AP2A1: variants seen among roughly 807,000 people sequenced by gnomAD.
The protein encoded by AP2A1 is AP-2 complex subunit alpha-1.
In AP2A1, 21 loss-of-function variants were observed where a neutral mutation model predicts 107.3. That is an observed-to-expected ratio of 0.20 (90% CI 0.14 to 0.28). The LOEUF (loss-of-function observed/expected upper bound fraction) is 0.28, where lower values mean the gene tolerates loss of function less well. Ranked by LOEUF, AP2A1 falls within the 10% of genes least tolerant of loss-of-function variation. AP2A1 has a pLI of 1.00. For missense variants in AP2A1, 873 were observed against 1,307.7 expected (o/e 0.67, Z 5.13); for synonymous variants, 602 against 564.8 (o/e 1.07, Z -0.93).
rs2073096273 is a variant in AP2A1 at position 49,788,092 on chromosome 19, A to C, written c.474-3843A>C. ...CACTCCAGCAGCCGGGACTACAGGC[A>C]CAAGCCACCAGGCCTGGCTAATATT... On this transcript the variant is annotated intron_variant, in intron 4 of 22. Coordinates refer to ENST00000354293, the MANE Select transcript of AP2A1 (RefSeq NM_130787.3). The surrounding 1 kb of genome is among the most constrained non-coding windows in gnomAD (Gnocchi z 4.5). 6.6e-6 allele frequency among the ~76,000 whole-genome samples: 1 copy of C among 152,184 alleles called. No individual in the cohort carries two copies.
chr19:49,782,512 A>G lies in AP2A1; in HGVS notation c.280-19A>G, dbSNP rs755588022. ...TCAGTCACAAGGCTCCTAGCCATCC[A>G]CGACCTCCCTCCCCACAGGGTTACC... On this transcript the variant is annotated intron_variant, in intron 3 of 22. Transcript: ENST00000354293. 3 of 1,609,306 alleles carry G rather than the reference A, an allele frequency of 1.9e-6. No homozygotes were observed. Among genetic ancestry groups the G allele is most frequent in the Non-Finnish European group, 2.5e-6 (3 of 1,177,296 alleles).
chr19:49,800,248 C>T, intron 11 of AP2A1, 98 bp downstream of exon 11: 1 of 1,384,110 alleles, frequency 7.2e-7, no homozygotes, highest in Non-Finnish European at 9.8e-7. Context: ...CGCAGCCACC[C>T]TCCTTCTCCT....
Position 49,805,784 on chromosome 19 carries a change from G to A in AP2A1, c.2585+7G>A. 1 of 1,605,984 alleles carries A rather than the reference G, an allele frequency of 6.2e-7. No individual in the cohort carries two copies. Among genetic ancestry groups the A allele is most frequent in the Non-Finnish European group, 8.5e-7 (1 of 1,176,612 alleles). ...GCTGGAAGCAGCTGAGCCTGTGAGG[G>A]GTGGGGAGGGGGCGGAGCCAAAGCC... On this transcript the variant is annotated splice_region_variant and intron_variant, in intron 20 of 22. Transcript: ENST00000354293.
chr19:49,773,280 C>T (rs2084584046), intron 1 of AP2A1, among the ~76,000 whole-genome samples: 1 of 152,214 alleles, frequency 6.6e-6, no homozygotes, highest in Admixed American at 6.5e-5. Context: ...TAGGCAGAGT[C>T]TGGCTGGAGT....
Position 49,782,221 on chromosome 19 carries a change from G to A in AP2A1, c.279+132G>A, listed in dbSNP as rs1166118763. 16 of 797,304 alleles carry A rather than the reference G, an allele frequency of 2.0e-5. No homozygotes were observed. The African/African-American group carries it at 2.1e-4, about 11-fold the overall frequency. 49.4% of individuals were successfully genotyped at this position (797,304 alleles called of 1,614,324 possible). On this transcript the variant is annotated intron_variant, in intron 3 of 22. Coordinates refer to ENST00000354293, the MANE Select transcript of AP2A1 (RefSeq NM_130787.3). ...GGACTCCTGGGTATGAGGGAGGAGG[G>A]GGTCTGGGGCTCTGGACTGCTGGGT...
rs1288334955 is a variant in AP2A1 at position 49,788,362 on chromosome 19, T to C, written c.474-3573T>C. On this transcript the variant is annotated intron_variant, in intron 4 of 22. Transcript: ENST00000354293. This position sits in a 1 kb window ranked among gnomAD's most constrained non-coding sequence, Gnocchi z 4.5. ...TAACCAAGTTGATAAATAGCTCTTATTCCTTTGTGTGGTATCCTTATCTGT... is the reference window on the plus strand; with the variant it reads ...TAACCAAGTTGATAAATAGCTCTTACTCCTTTGTGTGGTATCCTTATCTGT... 1.3e-5 allele frequency among the ~76,000 whole-genome samples: 2 copies of C among 152,244 alleles called. No homozygotes were observed. Among genetic ancestry groups the C allele is most frequent in the African/African-American group, 4.8e-5 (2 of 41,468 alleles).
At chr19:49,806,574 A>G (rs1416977516) in intron 22 of AP2A1, 107 bp from the exon 23 acceptor site, 72 of 1,547,478 alleles carry the variant, frequency 4.7e-5, no homozygotes, top group Non-Finnish European at 5.5e-5. Flanking sequence ...TGTGTCTTGT[A>G]TCACCTTTCT....
At position 49,767,010 on chromosome 19, in the gene AP2A1, C is replaced by CCCGT; in HGVS notation, c.-122_-121insGTCC. 1 of 1,005,234 alleles carries CCCGT rather than the reference C, an allele frequency of 9.9e-7. No homozygotes were observed. The highest frequency in any genetic ancestry group is 2.3e-5 in the South Asian group (1 of 42,804). The allele number at this position is 1,005,234 out of a possible 1,614,324, so 62.3% of individuals were successfully genotyped here. ...GCCCGCCCGCCCGCCCGCCAGCCAG[C>CCCGT]CCTCCCCGCGGCCGGCTCGGCTCCT... On this transcript the variant is annotated 5_prime_UTR_variant, in exon 1 of 23. Transcript: ENST00000354293.
At chr19:49,790,111 C>T (rs774349492) in intron 4 of AP2A1, among the ~76,000 whole-genome samples, 4 of 152,220 alleles carry the variant, frequency 2.6e-5, no homozygotes, top group Admixed American at 2.6e-4. Flanking sequence ...CAACATCCAT[C>T]TCACGGGGCT....
At chr19:49,773,278 G>A (rs1017042963) in intron 1 of AP2A1, among the ~76,000 whole-genome samples, 1 of 152,232 alleles carries the variant, frequency 6.6e-6, no homozygotes, top group South Asian at 2.1e-4. Context: ...TCTAGGCAGA[G>A]TCTGGCTGGA....
intron 22 of AP2A1, 188 bp from the exon 23 acceptor site, chr19:49,806,493 T>C: frequency 6.9e-7 from 1 of 1,445,282 alleles, no homozygotes; most frequent in East Asian, 2.5e-5. Context: ...CCTTTCCACC[T>C]TTCTCTCATC....
chr19:49,776,617 G>A (rs1053015179), intron 1 of AP2A1, among the ~76,000 whole-genome samples: 4 of 144,836 alleles, frequency 2.8e-5, no homozygotes, highest in African/African-American at 1.0e-4. Flanking sequence ...TCCTGTGACA[G>A]TGAGCTCATT....
intron 11 of AP2A1, 77 bp from the exon 12 acceptor site, chr19:49,800,884 A>C: frequency 8.4e-7 from 1 of 1,184,024 alleles, no homozygotes; most frequent in Admixed American, 2.5e-5. Flanking sequence ...TCCACCAGTC[A>C]GTAGGTGGCT....
intron 5 of AP2A1, 75 bp downstream of exon 5, chr19:49,792,139 C>T: frequency 6.7e-7 from 1 of 1,493,510 alleles, no homozygotes; most frequent in South Asian, 1.2e-5. Flanking sequence ...ATGCCCGGGG[C>T]TCCCACCTCA....
chr19:49,791,279 G>GA (rs903694290), intron 4 of AP2A1, among the ~76,000 whole-genome samples: 1 of 152,164 alleles, frequency 6.6e-6, no homozygotes, highest in African/African-American at 2.4e-5. Flanking sequence ...AAGCTAGAGG[G>GA]AGTGCAGTGG....
chr19:49,801,333 G>A (rs2073276424), intron 12 of AP2A1, 57 bp from the exon 13 acceptor site: 1 of 1,535,744 alleles, frequency 6.5e-7, no homozygotes, highest in Middle Eastern at 1.7e-4. Flanking sequence ...CTCTCGAGGG[G>A]GTTTCTGGGA....
chr19:49,795,770 G>C (rs1189678941), intron 7 of AP2A1, 32 bp downstream of exon 7: 1 of 1,481,678 alleles, frequency 6.7e-7, no homozygotes, highest in Non-Finnish European at 9.2e-7. Flanking sequence ...CCAACCCGGG[G>C]TGGCCTGCTG....
In AP2A1 at chr19:49,803,300, C is replaced by G. The variant is rs746247863; in HGVS notation, c.2268C>G (p.Leu756=). Residue 756 remains leucine (L), a synonymous_variant, in exon 18 of 23, where the codon CTC becomes CTG. Coordinates refer to ENST00000354293, the MANE Select transcript of AP2A1 (RefSeq NM_130787.3). ...EFRQNLGRMY[L]FYGNKTSVQF... Reference sequence around the variant, plus strand: ...CACCTACTGCAGGCCGCATGTATCTCTTCTATGGCAACAAGACCTCGGTGC... The same window carrying G: ...CACCTACTGCAGGCCGCATGTATCTGTTCTATGGCAACAAGACCTCGGTGC... 1 of 1,613,950 alleles carries G rather than the reference C, an allele frequency of 6.2e-7. No homozygotes were observed. The highest frequency in any genetic ancestry group is 1.1e-5 in the South Asian group (1 of 91,086).
intron 1 of AP2A1, 42 bp downstream of exon 1, chr19:49,767,242 G>A (rs1259410017): frequency 1.2e-6 from 2 of 1,604,928 alleles, no homozygotes; most frequent in African/African-American, 1.3e-5. Flanking sequence ...CGGGGGAGGG[G>A]GGAGCGTGAA....
Sources: allele counts gnomAD v4.1 joint callset (sites outside exome capture counted in the v4.1 genomes callset), GRCh38; gene constraint gnomAD v4.1.1; non-coding constraint Gnocchi (gnomAD v3.1); transcripts MANE v1.5; gene names NCBI Gene and HGNC (gene_info 2026-07-23, HGNC 2026-07-21).